The following ARHGEF28 variants were observed in gnomAD, a reference collection of about 807,000 sequenced individuals.
The protein encoded by ARHGEF28 is 190 kDa guanine nucleotide exchange factor.
ARHGEF28 carries 152 observed loss-of-function variants against 206.6 expected under a neutral mutation model. That is an observed-to-expected ratio of 0.74 (90% CI 0.64 to 0.84). ARHGEF28 has a LOEUF of 0.84. Ranked by LOEUF, ARHGEF28 falls within the 40% of genes least tolerant of loss-of-function variation. ARHGEF28 has a pLI of 0.00. For synonymous variants in ARHGEF28, 763 were observed against 776.4 expected (o/e 0.98, Z 0.29); for missense variants, 2,028 against 2,073.2 (o/e 0.98, Z 0.42).
chr5:73,939,112 G>T (rs765540209), intron 35 of ARHGEF28, among the ~76,000 whole-genome samples: 12 of 152,118 alleles, frequency 7.9e-5, no homozygotes, highest in Non-Finnish European at 1.5e-4. Flanking sequence ...TTAGAGCAAG[G>T]AGTCATCACG....
At chr5:73,676,292 A>G (rs545032222) in intron 1 of ARHGEF28, among the ~76,000 whole-genome samples, 1 of 148,778 alleles carries the variant, frequency 6.7e-6, no homozygotes, top group South Asian at 2.1e-4. Context: ...TTGGAGTGCA[A>G]TGGTGTGATC....
chr5:73,778,451 G>A (rs926409500), intron 6 of ARHGEF28, among the ~76,000 whole-genome samples: 2 of 152,038 alleles, frequency 1.3e-5, no homozygotes, highest in African/African-American at 4.8e-5. Context: ...AATCACAAAG[G>A]CCAAATGGAG....
At chr5:73,786,029 AT>A (rs1404400511) in intron 7 of ARHGEF28, among the ~76,000 whole-genome samples, 2 of 147,418 alleles carry the variant, frequency 1.4e-5, no homozygotes, top group African/African-American at 2.5e-5. Context: ...CCATCACTTT[AT>A]ACCAGCCACT....
intron 2 of ARHGEF28, among the ~76,000 whole-genome samples, chr5:73,737,759 C>T (rs551255976): frequency 7.9e-5 from 12 of 151,976 alleles, no homozygotes; most frequent in African/African-American, 2.9e-4. Context: ...TCAGGTGATC[C>T]GCCTGCCTCG....
intron 7 of ARHGEF28, among the ~76,000 whole-genome samples, chr5:73,786,002 A>G (rs370205250): frequency 2.6e-5 from 4 of 151,132 alleles, no homozygotes; most frequent in Non-Finnish European, 2.9e-5. Context: ...TCCATTCAGT[A>G]AATATGTATT....
At chr5:73,847,543 G>A (rs2931444) in intron 12 of ARHGEF28, among the ~76,000 whole-genome samples, 100,929 of 151,608 alleles carry the variant, frequency 0.67, 35,349 homozygotes, top group African/African-American at 0.9. Context: ...ATAATGAGAA[G>A]TTTGTATGGT....
intron 16 of ARHGEF28, among the ~76,000 whole-genome samples, chr5:73,861,189 C>T (rs987294456): frequency 6.6e-6 from 1 of 151,716 alleles, no homozygotes; most frequent in African/African-American, 2.4e-5. Flanking sequence ...GCAGAGCTGG[C>T]GACCAGTAAA....
At position 73,627,088 on chromosome 5, in the gene ARHGEF28, A is replaced by G. The variant is rs902707065; in HGVS notation, c.-12+766A>G. On this transcript the variant is annotated intron_variant, in intron 1 of 35. Coordinates refer to ENST00000513042, the MANE Select transcript of ARHGEF28 (RefSeq NM_001177693.2). The stretch of plus-strand genomic sequence containing the variant: ...AGCTTTGGTTTCCCAGAGACCAGTT[A>G]GATTTCTAAGAAAGAATCCATCTCT... The G allele has an allele frequency of 2.0e-5, 3 of 152,328 alleles. 1 individual carries two copies. The highest frequency in any genetic ancestry group is 2.4e-5 in the African/African-American group (1 of 41,556). The allele number at this position is 152,328 out of a possible 1,614,324, so 9.4% of individuals were successfully genotyped here.
chr5:73,911,439 G>T lies in ARHGEF28; in HGVS notation c.4812G>T (p.Arg1604Ser). The change falls in exon 35 of 36, where the codon AGG becomes AGT. Residue 1604 changes from arginine to serine, a missense_variant. Arg to Ser is a moderately radical substitution (Grantham distance 110, BLOSUM62 -1). This residue lies in a region of ARHGEF28 where 803 missense variants were observed against 768.0 expected (regional missense o/e 1.05). Transcript: ENST00000513042. Reference sequence around the variant, plus strand: ...CTCAATCTCATTCTGACTTGGTGAGGACTAGTGAACATCAAGTAGACCTCA... The same window carrying T: ...CTCAATCTCATTCTGACTTGGTGAGTACTAGTGAACATCAAGTAGACCTCA... ...PTTQSHSDLV[R>S]TSEHQVDLKV... 6.2e-7 allele frequency: 1 copy of T among 1,613,960 alleles called. No individual in the cohort carries two copies. The highest frequency in any genetic ancestry group is 8.5e-7 in the Non-Finnish European group (1 of 1,179,886).
chr5:73,709,042 G>T (rs901285475), intron 2 of ARHGEF28, among the ~76,000 whole-genome samples: 5 of 151,904 alleles, frequency 3.3e-5, no homozygotes, highest in African/African-American at 1.2e-4. Context: ...GGGGTTATTT[G>T]TTTTTGGCTT....
At chr5:73,898,136 C>T in intron 30 of ARHGEF28, 43 bp downstream of exon 30, 1 of 1,598,494 alleles carries the variant, frequency 6.3e-7, no homozygotes, top group Non-Finnish European at 8.5e-7. Flanking sequence ...TGAGCACAGT[C>T]CCTGGAGCTT....
intron 28 of ARHGEF28, 64 bp from the exon 29 acceptor site, chr5:73,894,329 A>G: frequency 2.8e-6 from 4 of 1,451,248 alleles, no homozygotes; most frequent in Non-Finnish European, 3.7e-6. Flanking sequence ...TTTTTCGTGG[A>G]CTTTCACATT....
At chr5:73,727,634 C>T (rs144965868) in intron 2 of ARHGEF28, among the ~76,000 whole-genome samples, 15 of 152,316 alleles carry the variant, frequency 9.8e-5, no homozygotes, top group African/African-American at 3.6e-4. Context: ...CCCCCTGAGA[C>T]ATTGTGTAGT....
chr5:73,754,907 A>T (rs1446174663), intron 4 of ARHGEF28, among the ~76,000 whole-genome samples: 1 of 130,546 alleles, frequency 7.7e-6, no homozygotes, highest in Non-Finnish European at 1.6e-5. Context: ...TTATTTATTT[A>T]TTTTTTTAGA....
Position 73,909,359 on chromosome 5 carries a change from CAAT to C in ARHGEF28, c.4162-50_4162-48del, listed in dbSNP as rs886326605. The C allele has an allele frequency of 1.2e-5, 19 of 1,531,274 alleles. No individual in the cohort carries two copies. In the African/African-American group the frequency reaches 2.1e-4, roughly 17 times the overall value. The allele number at this position is 1,531,274 out of a possible 1,614,324, so 94.9% of individuals were successfully genotyped here. ...AGGTAGTTCCAACCGAAAGGGTAAACAATAACCATGGAACCTTGTGTTCAGTGA... is the reference window on the plus strand; with the variant it reads ...AGGTAGTTCCAACCGAAAGGGTAAACAACCATGGAACCTTGTGTTCAGTGA... On this transcript the variant is annotated intron_variant, in intron 33 of 35. Coordinates refer to ENST00000513042, the MANE Select transcript of ARHGEF28 (RefSeq NM_001177693.2).
intron 2 of ARHGEF28, among the ~76,000 whole-genome samples, chr5:73,733,145 C>A (rs1278367974): frequency 6.6e-6 from 1 of 152,174 alleles, no homozygotes; most frequent in Admixed American, 6.5e-5. Flanking sequence ...ACCTGCCTCT[C>A]ACCCTTTCCC....
chr5:73,649,529 C>T (rs79976816), intron 1 of ARHGEF28, among the ~76,000 whole-genome samples: 1,939 of 152,322 alleles, frequency 0.013, 49 homozygotes, highest in African/African-American at 0.043. Flanking sequence ...CTATCAATCA[C>T]GAAATTGGAG....
At chr5:73,816,660 A>G (rs1241559647) in intron 9 of ARHGEF28, among the ~76,000 whole-genome samples, 1 of 152,262 alleles carries the variant, frequency 6.6e-6, no homozygotes, top group Non-Finnish European at 1.5e-5. Context: ...CCATATTTCA[A>G]TTCAAAAGTA....
intron 29 of ARHGEF28, among the ~76,000 whole-genome samples, chr5:73,897,333 C>A (rs1034252843): frequency 2.0e-5 from 3 of 152,158 alleles, no homozygotes; most frequent in Non-Finnish European, 4.4e-5. Flanking sequence ...AATCTGTAAA[C>A]TCCCCTCTTA....
Sources: gnomAD v4.1 joint callset for allele counts (sites outside exome capture counted in the v4.1 genomes callset) on GRCh38, gnomAD v4.1.1 for gene constraint, gnomAD v4.1.1 regional missense constraint, MANE v1.5 for transcripts, NCBI Gene and HGNC (gene_info 2026-07-23, HGNC 2026-07-21) for gene names.